Variants in TNRC6C observed in about 807,000 individuals in gnomAD.
TNRC6C encodes the protein trinucleotide repeat containing adaptor 6C.
A neutral mutation model predicts 153.7 loss-of-function variants in TNRC6C; 20 were observed. The observed-to-expected ratio is 0.13, with a 90% CI of 0.09 to 0.19. The LOEUF (loss-of-function observed/expected upper bound fraction) is 0.19, where lower values mean the gene tolerates loss of function less well. Ranked by LOEUF, TNRC6C falls within the 10% of genes least tolerant of loss-of-function variation. The pLI is 1.00. For synonymous variants in TNRC6C, 811 were observed against 841.4 expected (o/e 0.96, Z 0.63); for missense variants, 1,987 against 2,172.0 (o/e 0.91, Z 1.69).
chr17:77,957,757 TCG>T (rs2070819099), upstream of TNRC6C, among the ~76,000 whole-genome samples: 1 of 152,234 alleles, frequency 6.6e-6, no homozygotes, highest in Non-Finnish European at 1.5e-5. Flanking sequence ...AAGGGACTTT[TCG>T]AATTGCACAT....
chr17:78,006,824 A>AT (rs1403015208), intron 1 of TNRC6C, among the ~76,000 whole-genome samples: 341 of 145,304 alleles, frequency 2.3e-3, no homozygotes, highest in Non-Finnish European at 4.0e-3. Context: ...TTATTTATTT[A>AT]TTTATTTTTT....
exon 7 of TNRC6C, chr17:78,073,057 C>A: frequency 6.4e-7 from 1 of 1,556,644 alleles, no homozygotes; most frequent in East Asian, 2.4e-5. Context: ...CTGAGGAGGC[C>A]TTGAAGAGTA....
intron 1 of TNRC6C, among the ~76,000 whole-genome samples, chr17:78,021,024 C>CA (rs1429620790): frequency 2.0e-5 from 3 of 152,206 alleles, no homozygotes; most frequent in Non-Finnish European, 4.4e-5. Flanking sequence ...CTTCCTACGG[C>CA]AACCAACACA....
chr17:78,067,900 G>T, exon 5 of TNRC6C: 4 of 1,608,618 alleles, frequency 2.5e-6, no homozygotes, highest in Non-Finnish European at 2.5e-6. Flanking sequence ...CTGGGGGAAC[G>T]CCCCCAAAAA....
At chr17:78,098,291 G>C in intron 16 of TNRC6C, 52 bp from the exon 20 acceptor site, 1 of 1,507,198 alleles carries the variant, frequency 6.6e-7, no homozygotes, top group Admixed American at 2.1e-5. Context: ...ACAGCAGTGA[G>C]TTTTCTTCTT....
intron 1 of TNRC6C, among the ~76,000 whole-genome samples, chr17:77,970,283 T>A (rs188691521): frequency 4.5e-4 from 68 of 152,264 alleles, no homozygotes; most frequent in African/African-American, 1.4e-3. Flanking sequence ...TCTCACTCTG[T>A]TGCCCAGGCT....
exon 20 of TNRC6C, chr17:78,108,327 T>C (rs2073745125): frequency 6.5e-6 from 1 of 154,510 alleles, no homozygotes; most frequent in African/African-American, 2.4e-5. Context: ...AAGGAAAGCA[T>C]TGAGTGGGAC....
exon 3 of TNRC6C, chr17:78,051,339 TACCACC>T (rs573114195): frequency 2.6e-6 from 4 of 1,550,254 alleles, no homozygotes; most frequent in African/African-American, 2.7e-5. Context: ...CCACGACCAA[TACCACC>T]ACCACCACCA....
Position 78,049,722 on chromosome 17 carries a change from C to A in TNRC6C, c.660C>A (p.Pro220=). 1 of 1,597,182 alleles carries A rather than the reference C, an allele frequency of 6.3e-7. No homozygotes were observed. Among genetic ancestry groups the A allele is most frequent in the Non-Finnish European group, 8.5e-7 (1 of 1,170,042 alleles). ...TTGGTATGGGGGCCATCATCCCGCC[C>A]CACCTGCAAGGCCTTCCTGGTGCTA... Residue 220 remains proline (P), a synonymous_variant, in exon 3 of 20, where the codon CCC becomes CCA. Coordinates refer to ENST00000301624, the Ensembl canonical transcript of TNRC6C. The surrounding 1 kb of genome is among the most constrained non-coding windows in gnomAD (Gnocchi z 4.1).
At chr17:78,000,631 CACA>C (rs374361029), upstream of TNRC6C, among the ~76,000 whole-genome samples, 94 of 56,348 alleles carry the variant, frequency 1.7e-3, 3 homozygotes, top group African/African-American at 0.01. Flanking sequence ...CCCCCCCCCC[CACA>C]CACACACAAA....
rs551597143 is a variant in TNRC6C at position 78,102,605 on chromosome 17, C to T, written c.4572+61C>T. 1.1e-4 allele frequency: 166 copies of T among 1,512,080 alleles called. 2 individuals carry two copies. The highest frequency in any genetic ancestry group is 1.0e-3 in the Middle Eastern group (6 of 5,774). The allele number at this position is 1,512,080 out of a possible 1,614,324, so 93.7% of individuals were successfully genotyped here. A position where few individuals can be genotyped will look rare whatever the true frequency, so the allele number is the denominator to read the frequency against. ...CCAGGGAGGGTTCCCGCTTGGCCCCCAATGCAGATGAGGCTGTCTGGTGGG... is the reference window on the plus strand; with the variant it reads ...CCAGGGAGGGTTCCCGCTTGGCCCCTAATGCAGATGAGGCTGTCTGGTGGG... On this transcript the variant is annotated intron_variant, in intron 18 of 19. Transcript: ENST00000301624.
At chr17:78,004,825 G>A (rs2143198474), upstream of TNRC6C, among the ~76,000 whole-genome samples, 1 of 152,218 alleles carries the variant, frequency 6.6e-6, no homozygotes, top group South Asian at 2.1e-4. Flanking sequence ...AAATTATAGA[G>A]TTTAAATGAG....
At chr17:78,083,977 A>C (rs908698054) in intron 11 of TNRC6C, among the ~76,000 whole-genome samples, 3 of 152,200 alleles carry the variant, frequency 2.0e-5, no homozygotes, top group Non-Finnish European at 4.4e-5. Flanking sequence ...CAGCAACTTC[A>C]TCACCTAGAA....
intron 3 of TNRC6C, among the ~76,000 whole-genome samples, chr17:78,060,928 T>C (rs1172574561): frequency 1.3e-5 from 2 of 152,200 alleles, no homozygotes; most frequent in Non-Finnish European, 2.9e-5. Flanking sequence ...GAGAGAAAGA[T>C]TCTCTGTTTC....
At chr17:78,006,836 T>TTA (rs1567911324) in intron 1 of TNRC6C, among the ~76,000 whole-genome samples, 55 of 143,516 alleles carry the variant, frequency 3.8e-4, no homozygotes, top group African/African-American at 1.3e-3. Context: ...TTATTTTTTT[T>TTA]TTTTTTGAGA....
At position 77,975,731 on chromosome 17, in the gene TNRC6C, T is replaced by TA. The variant is rs149090664; in HGVS notation, c.-38+16464dup. On this transcript the variant is annotated intron_variant, in intron 1 of 22. Coordinates refer to the TNRC6C transcript ENST00000636222. The stretch of plus-strand genomic sequence containing the variant: ...AAACTAATTTACAGTTGCCATCTTT[T>TA]ACTCTTGCCACATAAGACTTGAATA... 2.7e-3 allele frequency among the ~76,000 whole-genome samples: 416 copies of TA among 152,364 alleles called. 2 individuals carry two copies. The highest frequency in any genetic ancestry group is 9.7e-3 in the African/African-American group (405 of 41,592).
intron 1 of TNRC6C, among the ~76,000 whole-genome samples, chr17:77,989,313 C>T (rs962501518): frequency 6.6e-5 from 10 of 152,176 alleles, no homozygotes; most frequent in African/African-American, 1.4e-4. Flanking sequence ...TTCTGAATTT[C>T]GCTCTGGATA....
At chr17:77,999,248 T>C (rs1159909037), upstream of TNRC6C, among the ~76,000 whole-genome samples, 1 of 152,228 alleles carries the variant, frequency 6.6e-6, no homozygotes, top group African/African-American at 2.4e-5. Context: ...CTTTCTTTAG[T>C]CCTCTGCTGC....
At position 78,067,742 on chromosome 17, in the gene TNRC6C, T is replaced by C; in HGVS notation, c.2612-15T>C. ...GGACATGAATTTGATAAGTTCATGT[T>C]TGCTCTGTTTCTAGCTTCAAAATCT... On this transcript the variant is annotated splice_polypyrimidine_tract_variant and intron_variant, in intron 4 of 19. Transcript: ENST00000301624. 1.3e-6 allele frequency: 2 copies of C among 1,597,534 alleles called. No individual in the cohort carries two copies. Among genetic ancestry groups the C allele is most frequent in the South Asian group, 1.1e-5 (1 of 88,320 alleles).
Sources: gnomAD v4.1 joint callset for allele counts (sites outside exome capture counted in the v4.1 genomes callset) on GRCh38, gnomAD v4.1.1 for gene constraint, Gnocchi (gnomAD v3.1) non-coding constraint, MANE v1.5 for transcripts, NCBI Gene and HGNC (gene_info 2026-07-23, HGNC 2026-07-21) for gene names.